Variants in GRHPR observed in about 807,000 individuals in gnomAD.
GRHPR encodes glyoxylate and hydroxypyruvate reductase, also known as glyoxylate reductase/hydroxypyruvate reductase.
GRHPR carries 35 observed loss-of-function variants against 36.8 expected under a neutral mutation model. That is an observed-to-expected ratio of 0.95 (90% CI 0.73 to 1.26). GRHPR has a LOEUF of 1.26. Ranked by LOEUF, GRHPR falls within the 50% of genes most tolerant of loss-of-function variation. GRHPR has a pLI of 0.00. For synonymous variants in GRHPR, 179 were observed against 181.0 expected (o/e 0.99, Z 0.09); for missense variants, 380 against 435.0 (o/e 0.87, Z 1.12).
Position 37,426,625 on chromosome 9 carries a change from G to C in GRHPR, c.375G>C (p.Arg125=). The change falls in exon 4 of 9, where the codon CGG becomes CGC. Residue 125 remains arginine, a synonymous_variant. Coordinates refer to ENST00000318158, the MANE Select transcript of GRHPR (RefSeq NM_012203.2). Reference sequence around the variant, plus strand: ...CCCTGCTACTTACCACCTGCCGCCGGTTGCCGGAGGCCATCGAGGAAGTGA... The same window carrying C: ...CCCTGCTACTTACCACCTGCCGCCGCTTGCCGGAGGCCATCGAGGAAGTGA... ...AVSLLLTTCR[R]LPEAIEEVKN... 6.2e-7 allele frequency: 1 copy of C among 1,612,500 alleles called. No individual in the cohort carries two copies. Among genetic ancestry groups the C allele is most frequent in the African/African-American group, 1.3e-5 (1 of 75,002 alleles).
In GRHPR at chr9:37,428,069, C is replaced by T. The variant is rs1245095875; in HGVS notation, c.405-415C>T. 3 of 321,594 alleles carry T rather than the reference C, an allele frequency of 9.3e-6. No individual in the cohort carries two copies. In the East Asian group the frequency reaches 2.4e-4, roughly 26 times the overall value. 19.9% of individuals were successfully genotyped at this position (321,594 alleles called of 1,614,324 possible). The stretch of plus-strand genomic sequence containing the variant: ...GCTCAGGGCAGGCTCCATCTCTTGC[C>T]CAGGGCAGCAGGGTGGGCCCTGTGG... On this transcript the variant is annotated intron_variant, in intron 4 of 8. Coordinates refer to ENST00000318158, the MANE Select transcript of GRHPR (RefSeq NM_012203.2).
intron 4 of GRHPR, 107 bp from the exon 5 acceptor site, chr9:37,428,377 G>A: frequency 1.3e-6 from 1 of 788,990 alleles, no homozygotes; most frequent in Admixed American, 1.7e-5. Context: ...TCCGTGACCT[G>A]GAGGGTGGGT....
At chr9:37,429,398 G>GTAGA in intron 5 of GRHPR, 1 of 393,742 alleles carries the variant, frequency 2.5e-6, no homozygotes, top group South Asian at 2.1e-5. Context: ...TTGACCAGGT[G>GTAGA]TCTCCCTTGT....
intron 8 of GRHPR, chr9:37,433,957 T>A: frequency 2.6e-5 from 10 of 389,536 alleles, no homozygotes; most frequent in South Asian, 1.4e-4. Flanking sequence ...CTCCCGTCCC[T>A]CCCCCACCCC....
chr9:37,425,781 C>T (rs1823048590), intron 2 of GRHPR, 141 bp from the exon 3 acceptor site: 1 of 667,370 alleles, frequency 1.5e-6, no homozygotes, highest in Admixed American at 2.2e-5. Flanking sequence ...GGGGATTATT[C>T]AGAGTTTTAA....
chr9:37,422,852 G>C lies in GRHPR; in HGVS notation c.83+19G>C, dbSNP rs1822899388. The C allele has an allele frequency of 1.3e-6, 2 of 1,555,608 alleles. No individual in the cohort carries two copies. Among genetic ancestry groups the C allele is most frequent in the African/African-American group, 1.4e-5 (1 of 73,476 alleles). ...CGGCAGAGTAAGAGCCTCGCGCGCC[G>C]TGGAGGAGGGAGCAGGGCGGTCCCA... is the stretch of plus-strand genomic sequence containing the variant. On this transcript the variant is annotated intron_variant, in intron 1 of 8. Coordinates refer to ENST00000318158, the MANE Select transcript of GRHPR (RefSeq NM_012203.2).
At position 37,432,037 on chromosome 9, in the gene GRHPR, A is replaced by G; in HGVS notation, c.764A>G (p.Tyr255Cys). The change falls in exon 8 of 9, where the codon TAC becomes TGC. Residue 255 changes from tyrosine to cysteine, a missense_variant. Physicochemically the swap from Tyr to Cys is radical, Grantham distance 194 (BLOSUM62 -2). Coordinates refer to ENST00000318158, the MANE Select transcript of GRHPR (RefSeq NM_012203.2). ...GACGTCGTAAACCAGGACGACCTGT[A>G]CCAGGCCTTGGCCAGTGGTAAGATT... ...RGDVVNQDDL[Y>C]QALASGKIAA... 6.2e-7 allele frequency: 1 copy of G among 1,614,182 alleles called. No individual in the cohort carries two copies. The highest frequency in any genetic ancestry group is 8.5e-7 in the Non-Finnish European group (1 of 1,179,982).
At chr9:37,428,216 T>C in intron 4 of GRHPR, 1 of 561,768 alleles carries the variant, frequency 1.8e-6, no homozygotes, top group South Asian at 2.1e-5. Flanking sequence ...AAGTCACCCT[T>C]TCTGGTTTGT....
At position 37,436,821 on chromosome 9, in the gene GRHPR, C is replaced by T. The variant is rs1213141288; in HGVS notation, c.*39C>T. On this transcript the variant is annotated 3_prime_UTR_variant, in exon 9 of 9. Coordinates refer to ENST00000318158, the MANE Select transcript of GRHPR (RefSeq NM_012203.2). ...ATGGAGGGCCGGGAAGCAAACCGTG[C>T]CCTGGTATTGTCAGACACACCCAGG... is the stretch of plus-strand genomic sequence containing the variant. The T allele has an allele frequency of 5.0e-6, 8 of 1,611,688 alleles. No individual in the cohort carries two copies. Among genetic ancestry groups the T allele is most frequent in the Middle Eastern group, 1.6e-4 (1 of 6,076 alleles).
At position 37,428,587 on chromosome 9, in the gene GRHPR, G is replaced by A. The variant is rs1437751769; in HGVS notation, c.493+15G>A. The A allele has an allele frequency of 8.3e-6, 13 of 1,562,116 alleles. No individual in the cohort carries two copies. Among genetic ancestry groups the A allele is most frequent in the African/African-American group, 4.0e-5 (3 of 74,096 alleles). The stretch of plus-strand genomic sequence containing the variant: ...GGGGCGCATAGGTGAGGCTCCCACC[G>A]GCCCGCTTGCCCGCCCCGGCTCTCA... On this transcript the variant is annotated intron_variant, in intron 5 of 8. Transcript: ENST00000318158.
intron 8 of GRHPR, chr9:37,434,083 A>C: frequency 2.5e-6 from 1 of 398,510 alleles, no homozygotes; most frequent in Admixed American, 4.4e-5. Flanking sequence ...GACTGCTTCA[A>C]AAGGCAGGTC....
At chr9:37,430,833 G>A (rs773287657) in intron 7 of GRHPR, 187 bp downstream of exon 7, 17 of 694,662 alleles carry the variant, frequency 2.4e-5, no homozygotes, top group South Asian at 4.5e-5. Flanking sequence ...AAGAAGAGCC[G>A]TCAGAGTGGG....
At position 37,424,945 on chromosome 9, in the gene GRHPR, C is replaced by T. The variant is rs1339212363; in HGVS notation, c.184C>T (p.His62Tyr). The T allele has an allele frequency of 6.2e-7, 1 of 1,612,686 alleles. No individual in the cohort carries two copies. The change falls in exon 2 of 9, where the codon CAC becomes TAC. Residue 62 changes from histidine to tyrosine, a missense_variant. Transcript: ENST00000318158. ...CGGCCTGCTCTGCCTCCTCTCCGAC[C>T]ACGTGGACAAGAGGATCCTGGATGC... ...AHGLLCLLSD[H>Y]VDKRILDAAG...
At chr9:37,426,817 G>C (rs947332785) in intron 4 of GRHPR, among the ~76,000 whole-genome samples, 163 bp downstream of exon 4, 1 of 152,108 alleles carries the variant, frequency 6.6e-6, no homozygotes, top group Non-Finnish European at 1.5e-5. Context: ...TGGGTGTGGT[G>C]GTGGGTCCCT....
chr9:37,437,656 TC>T (rs1387213061), downstream of GRHPR, among the ~76,000 whole-genome samples: 1 of 149,764 alleles, frequency 6.7e-6, no homozygotes, highest in Non-Finnish European at 1.5e-5. Context: ...GCCCATTCTG[TC>T]CCCCCAGCCC....
chr9:37,426,759 C>T (rs919621597), intron 4 of GRHPR, 105 bp downstream of exon 4: 5 of 723,822 alleles, frequency 6.9e-6, no homozygotes, highest in East Asian at 2.6e-5. Context: ...ACCAGTCTGG[C>T]CAACATAGTG....
chr9:37,435,176 A>T (rs1486497164), intron 8 of GRHPR, among the ~76,000 whole-genome samples: 2 of 152,216 alleles, frequency 1.3e-5, no homozygotes, highest in Non-Finnish European at 2.9e-5. Context: ...ACTTGAGCCT[A>T]GGAGGTTGAG....
intron 4 of GRHPR, chr9:37,428,055 G>T: frequency 3.2e-6 from 1 of 313,804 alleles, no homozygotes; most frequent in East Asian, 8.2e-5. Context: ...CTCAGGGCAG[G>T]CTCCATCTCT....
In GRHPR at chr9:37,432,088, G is replaced by A; in HGVS notation, c.815G>A (p.Ser272Asn). 1 of 1,614,100 alleles carries A rather than the reference G, an allele frequency of 6.2e-7. No individual in the cohort carries two copies. The highest frequency in any genetic ancestry group is 8.5e-7 in the Non-Finnish European group (1 of 1,179,920). The stretch of plus-strand genomic sequence containing the variant: ...GCAGCTGCTGGACTGGATGTGACGA[G>A]CCCAGAACCACTGCCTACAAACCAC... ...KIAAAGLDVT[S>N]PEPLPTNHPL... The change falls in exon 8 of 9, where the codon AGC becomes AAC. Residue 272 changes from serine to asparagine, a missense_variant. By Grantham distance (46) the Ser-to-Asn change is conservative. Transcript: ENST00000318158.
Sources: allele counts gnomAD v4.1 joint callset (sites outside exome capture counted in the v4.1 genomes callset), GRCh38; gene constraint gnomAD v4.1.1; transcripts MANE v1.5; gene names NCBI Gene and HGNC (gene_info 2026-07-23, HGNC 2026-07-21).